NKAIN2: variants seen among roughly 807,000 people sequenced by gnomAD.
NKAIN2 encodes sodium/potassium transporting ATPase interacting 2.
A neutral mutation model predicts 32.6 loss-of-function variants in NKAIN2; 14 were observed. The observed-to-expected ratio is 0.43, with a 90% CI of 0.28 to 0.67. The LOEUF (loss-of-function observed/expected upper bound fraction) is 0.67. Among genes scored for constraint, NKAIN2 ranks in the 30% least tolerant of loss-of-function variants. The pLI, the probability that NKAIN2 is intolerant of heterozygous loss-of-function variation, is 0.17. For missense variants in NKAIN2, 198 were observed against 258.3 expected (o/e 0.77, Z 1.60); for synonymous variants, 80 against 87.2 (o/e 0.92, Z 0.46).
intron 1 of NKAIN2, among the ~76,000 whole-genome samples, chr6:123,816,005 G>A (rs1028125106): frequency 2.0e-5 from 3 of 152,058 alleles, no homozygotes; most frequent in Admixed American, 6.6e-5. Context: ...TTTATGGGAA[G>A]GATTATTTAT....
intron 1 of NKAIN2, among the ~76,000 whole-genome samples, chr6:124,057,736 T>C (rs1407038319): frequency 6.6e-6 from 1 of 151,636 alleles, no homozygotes; most frequent in Non-Finnish European, 1.5e-5. Flanking sequence ...TGTGGCAGAG[T>C]ATGCTCAAAG....
intron 4 of NKAIN2, among the ~76,000 whole-genome samples, chr6:124,760,547 G>A (rs1778217629): frequency 6.6e-6 from 1 of 152,024 alleles, no homozygotes. Flanking sequence ...CTCTGGGTCT[G>A]CGGGAACTCA....
chr6:124,414,327 C>G (rs1483513333), intron 3 of NKAIN2, among the ~76,000 whole-genome samples: 1 of 152,150 alleles, frequency 6.6e-6, no homozygotes, highest in African/African-American at 2.4e-5. Flanking sequence ...ATTATATTGA[C>G]TTTTGAATTT....
At chr6:124,788,685 C>T (rs756752627) in intron 4 of NKAIN2, among the ~76,000 whole-genome samples, 1 of 151,928 alleles carries the variant, frequency 6.6e-6, no homozygotes, top group Non-Finnish European at 1.5e-5. Context: ...TCCCATGATT[C>T]GATTACCTCC....
At chr6:124,708,736 G>C (rs995509876) in intron 4 of NKAIN2, among the ~76,000 whole-genome samples, 1 of 152,006 alleles carries the variant, frequency 6.6e-6, no homozygotes, top group Non-Finnish European at 1.5e-5. Flanking sequence ...AGAAGAGTTT[G>C]GGCTGAGACA....
chr6:123,900,532 G>GATTTTTTT (rs1774516637), intron 1 of NKAIN2, among the ~76,000 whole-genome samples: 1 of 32,764 alleles, frequency 3.1e-5, no homozygotes, highest in Non-Finnish European at 1.1e-4. Flanking sequence ...CTCCAGATTA[G>GATTTTTTT]TTTTTTTTTT....
intron 4 of NKAIN2, among the ~76,000 whole-genome samples, chr6:124,787,818 C>A (rs1393633635): frequency 6.6e-6 from 1 of 152,066 alleles, no homozygotes; most frequent in South Asian, 2.1e-4. Context: ...CACAGCTTTG[C>A]TTCCATTATT....
chr6:123,842,247 A>G (rs910963101), intron 1 of NKAIN2, among the ~76,000 whole-genome samples: 8 of 152,204 alleles, frequency 5.3e-5, no homozygotes, highest in Admixed American at 1.3e-4. Flanking sequence ...TAAACAGCAG[A>G]TATGTATTTC....
chr6:124,408,423 A>T (rs1303383313), intron 3 of NKAIN2, among the ~76,000 whole-genome samples: 1 of 152,204 alleles, frequency 6.6e-6, no homozygotes, highest in Non-Finnish European at 1.5e-5. Context: ...ATGACTAGCC[A>T]GTTTTCCCAG....
At chr6:124,344,263 C>T (rs374157683) in intron 2 of NKAIN2, among the ~76,000 whole-genome samples, 12 of 152,098 alleles carry the variant, frequency 7.9e-5, no homozygotes, top group East Asian at 1.9e-4. Context: ...AGTCAGGTAG[C>T]GTGATGCCTC....
intron 3 of NKAIN2, among the ~76,000 whole-genome samples, chr6:124,482,805 T>A (rs1213805864): frequency 6.6e-6 from 1 of 152,204 alleles, no homozygotes; most frequent in Non-Finnish European, 1.5e-5. Flanking sequence ...ATTTTACATG[T>A]TTTGCTAATA....
chr6:124,139,078 A>ATTT (rs1161013269), intron 1 of NKAIN2, among the ~76,000 whole-genome samples: 23 of 73,560 alleles, frequency 3.1e-4, no homozygotes, highest in African/African-American at 1.1e-3. Context: ...TTTAAATAAA[A>ATTT]ATTTTTTTTT....
intron 3 of NKAIN2, among the ~76,000 whole-genome samples, chr6:124,386,468 C>G (rs1303000918): frequency 2.0e-5 from 3 of 152,120 alleles, no homozygotes; most frequent in African/African-American, 7.2e-5. Flanking sequence ...GATCATACTG[C>G]TAAAGCTAAA....
At chr6:124,641,602 A>G (rs1394281151) in intron 3 of NKAIN2, among the ~76,000 whole-genome samples, 1 of 112,652 alleles carries the variant, frequency 8.9e-6, no homozygotes, top group Non-Finnish European at 1.6e-5. Context: ...CCCAGGCTGG[A>G]GTGCAGTGGC....
rs536951493 is a variant in NKAIN2 at position 124,803,112 on chromosome 6, T to C, written c.535+11713T>C. Among the ~76,000 whole-genome samples, 12 of 152,346 alleles carry C rather than the reference T, an allele frequency of 7.9e-5. No homozygotes were observed. In the South Asian group the frequency reaches 2.5e-3, roughly 32 times the overall value. ...CCTGCTCAACCATGCTTCATTCTTCTGCATTTGACAAAGTGGCACTCTGGC... is the reference window on the plus strand; with the variant it reads ...CCTGCTCAACCATGCTTCATTCTTCCGCATTTGACAAAGTGGCACTCTGGC... On this transcript the variant is annotated intron_variant, in intron 5 of 6. Transcript: ENST00000368417.
chr6:124,271,865 A>T (rs1042313398), intron 1 of NKAIN2, among the ~76,000 whole-genome samples: 4 of 152,118 alleles, frequency 2.6e-5, no homozygotes, highest in Non-Finnish European at 5.9e-5. Context: ...TAGCAAAGAG[A>T]TTGGCAGCAT....
chr6:124,642,379 A>G (rs1435511180), intron 3 of NKAIN2, among the ~76,000 whole-genome samples: 1 of 152,196 alleles, frequency 6.6e-6, no homozygotes, highest in Non-Finnish European at 1.5e-5. Flanking sequence ...GTGGATTTGC[A>G]TAGATCTATA....
At chr6:124,151,152 G>T (rs1582744745) in intron 1 of NKAIN2, among the ~76,000 whole-genome samples, 1 of 151,558 alleles carries the variant, frequency 6.6e-6, no homozygotes, top group Non-Finnish European at 1.5e-5. Context: ...TTTGACTAGG[G>T]TTGGCTGGGA....
intron 1 of NKAIN2, among the ~76,000 whole-genome samples, chr6:123,918,703 A>C (rs1470909294): frequency 3.3e-5 from 5 of 152,178 alleles, no homozygotes; most frequent in African/African-American, 1.2e-4. Flanking sequence ...AATCAGTTGA[A>C]GGCCTTACTA....
Sources: allele counts gnomAD v4.1 joint callset (sites outside exome capture counted in the v4.1 genomes callset), GRCh38; gene constraint gnomAD v4.1.1; transcripts MANE v1.5; gene names NCBI Gene and HGNC (gene_info 2026-07-23, HGNC 2026-07-21).